The following AP2A2 variants were observed in gnomAD, a reference collection of about 807,000 sequenced individuals.
AP2A2 encodes adaptor related protein complex 2 subunit alpha 2.
AP2A2 carries 32 observed loss-of-function variants against 104.2 expected under a neutral mutation model. The ratio of observed to expected loss-of-function variants is 0.31; its 90% CI spans 0.23 to 0.41. The LOEUF is 0.41. AP2A2 is among the 10% of genes least tolerant of loss of function. AP2A2 has a pLI of 1.00. For synonymous variants in AP2A2, 539 were observed against 533.3 expected (o/e 1.01, Z -0.15); for missense variants, 912 against 1,261.0 (o/e 0.72, Z 4.19).
intron 1 of AP2A2, among the ~76,000 whole-genome samples, chr11:935,747 C>A (rs2134463868): frequency 6.6e-6 from 1 of 151,014 alleles, no homozygotes; most frequent in African/African-American, 2.4e-5. Context: ...GCTGGGATTG[C>A]AGGCACCTGG....
intron 4 of AP2A2, among the ~76,000 whole-genome samples, chr11:975,172 G>A (rs1209977337): frequency 6.6e-6 from 1 of 152,220 alleles, no homozygotes; most frequent in African/African-American, 2.4e-5. Flanking sequence ...TGGGATGGAC[G>A]GAGTTGGTGG....
chr11:953,637 G>C (rs1486006643), intron 1 of AP2A2, among the ~76,000 whole-genome samples: 1 of 148,332 alleles, frequency 6.7e-6, no homozygotes, highest in Non-Finnish European at 1.5e-5. Flanking sequence ...GCCTCCGTCT[G>C]CCTCCGTCTG....
chr11:1,001,425 G>C (rs1451215564), intron 15 of AP2A2: 1 of 152,308 alleles, frequency 6.6e-6, no homozygotes, highest in Non-Finnish European at 1.5e-5. Flanking sequence ...CGCAGGTGCC[G>C]GTTTCTGTCC....
At chr11:939,548 G>A (rs1193547829) in intron 1 of AP2A2, among the ~76,000 whole-genome samples, 1 of 151,902 alleles carries the variant, frequency 6.6e-6, no homozygotes, top group Non-Finnish European at 1.5e-5. Flanking sequence ...AGGTTCAAGT[G>A]ATTCTCCTGC....
chr11:956,892 G>A (rs1854255852), intron 1 of AP2A2: 1 of 152,170 alleles, frequency 6.6e-6, no homozygotes, highest in African/African-American at 2.4e-5. Context: ...AATATGTGGG[G>A]GTTTCTCCCC....
chr11:989,882 C>T (rs919155543), intron 10 of AP2A2, among the ~76,000 whole-genome samples: 12 of 152,188 alleles, frequency 7.9e-5, no homozygotes, highest in Admixed American at 5.9e-4. Context: ...GCTGAGACAG[C>T]GCCTCCGTTG....
chr11:990,973 G>C (rs1246417670), intron 10 of AP2A2, among the ~76,000 whole-genome samples: 2 of 147,464 alleles, frequency 1.4e-5, no homozygotes, highest in Middle Eastern at 3.8e-3. Flanking sequence ...TTTCAGTCGG[G>C]TATGGTGCTC....
intron 4 of AP2A2, among the ~76,000 whole-genome samples, chr11:976,806 C>T (rs997534047): frequency 6.6e-5 from 10 of 152,194 alleles, no homozygotes; most frequent in Non-Finnish European, 1.5e-4. Flanking sequence ...GTAACAACAA[C>T]AACAAGAAAG....
intron 1 of AP2A2, among the ~76,000 whole-genome samples, chr11:930,934 C>T (rs1022085868): frequency 3.3e-5 from 5 of 151,930 alleles, no homozygotes; most frequent in African/African-American, 9.7e-5. Flanking sequence ...TCGACATGCA[C>T]GTGTGTGTGT....
chr11:999,373 G>A (rs1855954695), intron 14 of AP2A2, among the ~76,000 whole-genome samples: 3 of 152,288 alleles, frequency 2.0e-5, no homozygotes, highest in African/African-American at 4.8e-5. Flanking sequence ...TTAACTGGGC[G>A]TGATGGCGGC....
Position 1,009,386 on chromosome 11 carries a change from A to G in AP2A2, c.2596A>G (p.Thr866Ala), listed in dbSNP as rs375554368. The G allele has an allele frequency of 1.2e-6, 2 of 1,613,192 alleles. No homozygotes were observed. The highest frequency in any genetic ancestry group is 1.7e-6 in the Non-Finnish European group (2 of 1,179,588). Residue 866 changes from threonine (T) to alanine (A), a missense_variant, in exon 20 of 22, where the codon ACC becomes GCC. Transcript: ENST00000448903. ...AAAGCACCCAATGGACACAGAAGTC[A>G]CCAAAGCCAAGGTAACACGTCTGGA... is the stretch of plus-strand genomic sequence containing the variant. Reference protein sequence around the residue: ...KAKHPMDTEVTKAKIIGFGSA... With the variant: ...KAKHPMDTEVAKAKIIGFGSA...
Position 994,117 on chromosome 11 carries a change from T to A in AP2A2, c.1828T>A (p.Ser610Thr), listed in dbSNP as rs1450023719. The A allele has an allele frequency of 6.2e-7, 1 of 1,613,024 alleles. No homozygotes were observed. Among genetic ancestry groups the A allele is most frequent in the Non-Finnish European group, 8.5e-7 (1 of 1,179,838 alleles). Residue 610 changes from serine (S) to threonine (T), a missense_variant, in exon 14 of 22, where the codon TCC becomes ACC. Physicochemically the swap from Ser to Thr is moderately conservative, Grantham distance 58. Coordinates refer to ENST00000448903, the MANE Select transcript of AP2A2 (RefSeq NM_012305.4). ...EMPPFPERES[S>T]ILAKLKKKKG... ...GCCCCCATTCCCGGAGCGGGAGTCC[T>A]CCATCTTGGCAAAGCTCAAGAAGAA... is the stretch of plus-strand genomic sequence containing the variant.
chr11:945,458 C>T (rs774985624), intron 1 of AP2A2, among the ~76,000 whole-genome samples: 5 of 152,254 alleles, frequency 3.3e-5, no homozygotes, highest in Admixed American at 2.0e-4. Flanking sequence ...CTCAGCCTCT[C>T]GAGTAGCTGG....
chr11:986,722 C>T, intron 8 of AP2A2, 63 bp from the exon 9 acceptor site: 5 of 1,570,522 alleles, frequency 3.2e-6, no homozygotes, highest in Non-Finnish European at 4.3e-6. Flanking sequence ...GGAACGCAGA[C>T]TCTGTCCAGT....
At chr11:941,190 G>T (rs137976905) in intron 1 of AP2A2, among the ~76,000 whole-genome samples, 1 of 152,042 alleles carries the variant, frequency 6.6e-6, no homozygotes, top group Non-Finnish European at 1.5e-5. Flanking sequence ...AAGCCTTTTC[G>T]GGTTCTCTGT....
In AP2A2 at chr11:998,148, C is replaced by T. The variant is rs897818009; in HGVS notation, c.1957-2284C>T. Among the ~76,000 whole-genome samples the T allele has an allele frequency of 5.9e-5, 9 of 152,334 alleles. No homozygotes were observed. In the South Asian group the frequency reaches 1.0e-3, roughly 18 times the overall value. On this transcript the variant is annotated intron_variant, in intron 14 of 21. Coordinates refer to ENST00000448903, the MANE Select transcript of AP2A2 (RefSeq NM_012305.4). ...AAGCGCCGCCTTCAGATGGTCTCAT[C>T]GAGACACGCCTTGGATATTTTTGGG...
Position 985,547 on chromosome 11 carries a change from C to T in AP2A2, c.927C>T (p.Leu309=), listed in dbSNP as rs10794358. 0.6 allele frequency: 968,670 copies of T among 1,613,534 alleles called. 298,018 individuals are homozygous for T. Among genetic ancestry groups the T allele is most frequent in the Admixed American group, 0.71 (42,498 of 59,994 alleles). ...ACTCCAACGCGAAGAATGCCGTGCT[C>T]TTCGAGGCCATCAGCTTAATCATTC... ...VQHSNAKNAV[L]FEAISLIIHH... is the part of the protein sequence containing the mutation. Residue 309 remains leucine (L), a synonymous_variant, in exon 8 of 22, where the codon CTC becomes CTT. Coordinates refer to ENST00000448903, the MANE Select transcript of AP2A2 (RefSeq NM_012305.4).
intron 21 of AP2A2, 196 bp from the exon 22 acceptor site, chr11:1,010,352 G>A: frequency 1.7e-6 from 1 of 595,918 alleles, no homozygotes; most frequent in Non-Finnish European, 3.0e-6. Flanking sequence ...CTACGTACGA[G>A]ACGCCAGGCG....
chr11:944,478 A>G (rs1853765193), intron 1 of AP2A2, among the ~76,000 whole-genome samples: 1 of 152,232 alleles, frequency 6.6e-6, no homozygotes, highest in Non-Finnish European at 1.5e-5. Flanking sequence ...AAAGAAAAAC[A>G]TAGTTTAGTG....
Sources: allele counts gnomAD v4.1 joint callset (sites outside exome capture counted in the v4.1 genomes callset), GRCh38; gene constraint gnomAD v4.1.1; transcripts MANE v1.5; gene names NCBI Gene and HGNC (gene_info 2026-07-23, HGNC 2026-07-21).